Variants in SLC17A9 observed in about 807,000 individuals in gnomAD.
SLC17A9 encodes voltage-gated purine nucleotide uniporter SLC17A9.
In SLC17A9, 49 loss-of-function variants were observed where a neutral mutation model predicts 55.0. That is an observed-to-expected ratio of 0.89 (90% CI 0.71 to 1.13). The LOEUF is 1.13. Ranked by LOEUF, SLC17A9 falls within the 50% of genes most tolerant of loss-of-function variation. The pLI is 0.00. For missense variants in SLC17A9, 526 were observed against 569.3 expected (o/e 0.92, Z 0.77); for synonymous variants, 256 against 247.4 (o/e 1.03, Z -0.32).
At position 62,967,855 on chromosome 20, in the gene SLC17A9, C is replaced by T. The variant is rs2065654713; in HGVS notation, c.*355C>T. The T allele has an allele frequency of 1.1e-5, 2 of 178,338 alleles. No homozygotes were observed. The highest frequency in any genetic ancestry group is 2.4e-5 in the African/African-American group (1 of 42,352). The allele number at this position is 178,338 out of a possible 1,614,324, so 11.0% of individuals were successfully genotyped here. On this transcript the variant is annotated 3_prime_UTR_variant, in exon 13 of 13. Transcript: ENST00000370351. ...TTCCGCGTGGTTCCCGCCAAACCTC[C>T]CTCGGTCGCCGTGTTCTCCGCAAGC...
At chr20:62,960,754 C>G in intron 4 of SLC17A9, 151 bp downstream of exon 4, 1 of 703,396 alleles carries the variant, frequency 1.4e-6, no homozygotes, top group Admixed American at 2.6e-5. Context: ...GCTCTGTAGC[C>G]CGAGGCTGTG....
At chr20:62,957,403 C>T (rs1383142277) in intron 2 of SLC17A9, 38 bp from the exon 3 acceptor site, 1 of 1,546,548 alleles carries the variant, frequency 6.5e-7, no homozygotes, top group Non-Finnish European at 8.7e-7. Flanking sequence ...CTTGGTCCTG[C>T]ACAGCCACAT....
chr20:62,967,082 C>T, intron 12 of SLC17A9: 2 of 582,546 alleles, frequency 3.4e-6, no homozygotes, highest in Non-Finnish European at 6.0e-6. Context: ...CTCCCATTTT[C>T]CTTTCAGCGG....
intron 8 of SLC17A9, among the ~76,000 whole-genome samples, chr20:62,964,736 C>T (rs1345213624): frequency 6.6e-6 from 1 of 152,256 alleles, no homozygotes; most frequent in Non-Finnish European, 1.5e-5. Context: ...CGCGTGCCCA[C>T]ATGCTCTCTC....
Position 62,955,684 on chromosome 20 carries a change from G to A in SLC17A9, c.60-1081G>A, listed in dbSNP as rs1028841756. On this transcript the variant is annotated intron_variant, in intron 1 of 12. Transcript: ENST00000370351. ...GAAAGTTAAGGGTGGGGGCCCCCAT[G>A]TCCCTTCTGCAAGCCTCGTGTGTTA... is the stretch of plus-strand genomic sequence containing the variant. Among the ~76,000 whole-genome samples the A allele has an allele frequency of 6.6e-5, 10 of 152,192 alleles. 1 individual carries two copies. The highest frequency in any genetic ancestry group is 1.9e-4 in the African/African-American group (8 of 41,448).
intron 4 of SLC17A9, among the ~76,000 whole-genome samples, chr20:62,961,600 A>C (rs1305917074): frequency 6.6e-6 from 1 of 152,090 alleles, no homozygotes; most frequent in African/African-American, 2.4e-5. Context: ...ACTGTTGCTG[A>C]GGTTCAGAGG....
At position 62,964,308 on chromosome 20, in the gene SLC17A9, C is replaced by T; in HGVS notation, c.903C>T (p.Ile301=). The T allele has an allele frequency of 6.2e-7, 1 of 1,614,148 alleles. No homozygotes were observed. The highest frequency in any genetic ancestry group is 8.5e-7 in the Non-Finnish European group (1 of 1,179,968). ...GCGGGTTTCTCTCTGATCATCTCAT[C>T]AATCAGGGTGAGCCCCAGGGAGGGG... The part of the protein sequence containing the change: ...LFSGFLSDHL[I]NQGYRAITVR... The change falls in exon 8 of 13, where the codon ATC becomes ATT. Residue 301 remains isoleucine (I), a synonymous_variant. Coordinates refer to ENST00000370351, the MANE Select transcript of SLC17A9 (RefSeq NM_022082.4).
chr20:62,966,977 T>C, intron 12 of SLC17A9: 1 of 588,404 alleles, frequency 1.7e-6, no homozygotes, highest in Non-Finnish European at 2.9e-6. Flanking sequence ...CCCATCCTGG[T>C]AGCCCAGGGT....
Position 62,968,851 on chromosome 20 carries a change from C to T in SLC17A9, c.*1351C>T, listed in dbSNP as rs2065661426. The T allele has an allele frequency of 6.6e-6, 1 of 152,244 alleles. No homozygotes were observed. The highest frequency in any genetic ancestry group is 2.1e-4 in the South Asian group (1 of 4,836). The allele number at this position is 152,244 out of a possible 1,614,324, so 9.4% of individuals were successfully genotyped here. A position where few individuals can be genotyped will look rare whatever the true frequency, so the allele number is the denominator to read the frequency against. On this transcript the variant is annotated 3_prime_UTR_variant, in exon 13 of 13. Transcript: ENST00000370351. ...ATGTACCCTGCTATCAGCTGTCCAC[C>T]CAGCTTTCCCAAGATGTGGGGCCCC... is the stretch of plus-strand genomic sequence containing the variant.
chr20:62,954,338 C>T lies in SLC17A9; in HGVS notation c.59+1449C>T, dbSNP rs558171017. Among the ~76,000 whole-genome samples, 286 of 152,312 alleles carry T rather than the reference C, an allele frequency of 1.9e-3. 1 individual carries two copies. Among genetic ancestry groups the T allele is most frequent in the Admixed American group, 0.014 (210 of 15,300 alleles). ...GCCAGGCGAGAACAGAGCTGGAGGG[C>T]GGCACCCACACTCTCCGGTTTGCTG... On this transcript the variant is annotated intron_variant, in intron 1 of 12. Coordinates refer to ENST00000370351, the MANE Select transcript of SLC17A9 (RefSeq NM_022082.4).
chr20:62,963,051 G>A (rs2065602683), intron 5 of SLC17A9: 1 of 637,442 alleles, frequency 1.6e-6, no homozygotes, highest in Non-Finnish European at 2.7e-6. Context: ...GGGCTCTGGA[G>A]GAGGCCGTGT....
chr20:62,959,244 C>T (rs1008867549), intron 3 of SLC17A9, among the ~76,000 whole-genome samples: 2 of 152,196 alleles, frequency 1.3e-5, no homozygotes, highest in Non-Finnish European at 2.9e-5. Flanking sequence ...AGGCGGCTGT[C>T]CTCGTGGGCA....
At chr20:62,967,092 G>T in intron 12 of SLC17A9, 1 of 589,104 alleles carries the variant, frequency 1.7e-6, no homozygotes, top group East Asian at 2.9e-5. Flanking sequence ...CCTTTCAGCG[G>T]GACAAAGGGG....
In SLC17A9 at chr20:62,952,852, G is replaced by A; in HGVS notation, c.22G>A (p.Ala8Thr). 7.4e-7 allele frequency: 1 copy of A among 1,345,308 alleles called. No individual in the cohort carries two copies. Among genetic ancestry groups the A allele is most frequent in the Non-Finnish European group, 9.7e-7 (1 of 1,028,206 alleles). 83.3% of individuals were successfully genotyped at this position (1,345,308 alleles called of 1,614,324 possible). A position where few individuals can be genotyped will look rare whatever the true frequency, so the allele number is the denominator to read the frequency against. ...CCCGATGCAGCCACCCCCAGACGAG[G>A]CCCGCAGGGACATGGCCGGGGACAC... MQPPPDE[A>T]RRDMAGDTQW... is the part of the protein sequence containing the mutation. Residue 8 changes from alanine (A) to threonine (T), a missense_variant, in exon 1 of 13, where the codon GCC (alanine) becomes ACC (threonine). Coordinates refer to ENST00000370351, the MANE Select transcript of SLC17A9 (RefSeq NM_022082.4).
rs1370198755 is a variant in SLC17A9, at chr20:62,956,705, G to T, written c.60-60G>T. 8 of 1,498,426 alleles carry T rather than the reference G, an allele frequency of 5.3e-6. No individual in the cohort carries two copies. The Admixed American group carries it at 7.4e-5, about 14-fold the overall frequency. The allele number at this position is 1,498,426 out of a possible 1,614,324, so 92.8% of individuals were successfully genotyped here. ...GCCCTGAGGGAGGTCTCTGAGTGAT[G>T]AACTCGAAGCAGCAGGGCCGTGGGG... On this transcript the variant is annotated intron_variant, in intron 1 of 12. Transcript: ENST00000370351.
At chr20:62,960,656 GC>G in intron 4 of SLC17A9, 53 bp downstream of exon 4, 1 of 1,533,186 alleles carries the variant, frequency 6.5e-7, no homozygotes, top group African/African-American at 1.4e-5. Flanking sequence ...TGAGCCCCTT[GC>G]CGAGTGGCCC....
At position 62,958,648 on chromosome 20, in the gene SLC17A9, G is replaced by T. The variant is rs775365292; in HGVS notation, c.397+1068G>T. Among the ~76,000 whole-genome samples the T allele has an allele frequency of 3.3e-5, 5 of 152,056 alleles. No homozygotes were observed. The highest frequency in any genetic ancestry group is 7.4e-5 in the Non-Finnish European group (5 of 67,978). On this transcript the variant is annotated intron_variant, in intron 3 of 12. Coordinates refer to ENST00000370351, the MANE Select transcript of SLC17A9 (RefSeq NM_022082.4). The surrounding 1 kb of genome is among the most constrained non-coding windows in gnomAD (Gnocchi z 4.1). ...CCTGAGCCGGCATCAGGTTCAGAGC[G>T]CTGGCCATGGCTCCCCTAGAACCTC...
Position 62,958,011 on chromosome 20 carries a change from CAT to C in SLC17A9, c.397+432_397+433del, listed in dbSNP as rs769170265. Among the ~76,000 whole-genome samples the C allele has an allele frequency of 6.6e-4, 100 of 152,206 alleles. No individual in the cohort carries two copies. Among genetic ancestry groups the C allele is most frequent in the Non-Finnish European group, 9.1e-4 (62 of 67,980 alleles). On this transcript the variant is annotated intron_variant, in intron 3 of 12. Coordinates refer to ENST00000370351, the MANE Select transcript of SLC17A9 (RefSeq NM_022082.4). The surrounding 1 kb of genome is among the most constrained non-coding windows in gnomAD (Gnocchi z 4.1). ...GTGTGCGTACGTATGTGTGCATGCA[CAT>C]GTGTGAGCATGCACTTGTGCGTGCA... is the stretch of plus-strand genomic sequence containing the variant.
chr20:62,952,821 C>A lies in SLC17A9; in HGVS notation c.-10C>A. The stretch of plus-strand genomic sequence containing the variant: ...AGCTGTGCCCACGCCGTCTGAGCAC[C>A]CCAAGCCCGATGCAGCCACCCCCAG... On this transcript the variant is annotated 5_prime_UTR_variant, in exon 1 of 13. Transcript: ENST00000370351. 2 of 1,534,976 alleles carry A rather than the reference C, an allele frequency of 1.3e-6. No individual in the cohort carries two copies. Among genetic ancestry groups the A allele is most frequent in the Non-Finnish European group, 1.7e-6 (2 of 1,145,314 alleles).
Sources: gnomAD v4.1 joint callset for allele counts (sites outside exome capture counted in the v4.1 genomes callset) on GRCh38, gnomAD v4.1.1 for gene constraint, Gnocchi (gnomAD v3.1) non-coding constraint, MANE v1.5 for transcripts, NCBI Gene and HGNC (gene_info 2026-07-23, HGNC 2026-07-21) for gene names.